Variants in MTUS2 observed in about 807,000 individuals in gnomAD.
MTUS2 encodes microtubule-associated tumor suppressor candidate 2.
Under a neutral mutation model 114.1 loss-of-function variants are expected in MTUS2, and 40 were observed. The ratio of observed to expected loss-of-function variants is 0.35; its 90% CI spans 0.27 to 0.46. The LOEUF is 0.46. Ranked by LOEUF, MTUS2 falls within the 20% of genes least tolerant of loss-of-function variation. The pLI is 1.00. For synonymous variants in MTUS2, 688 were observed against 672.0 expected, an observed-to-expected ratio of 1.02 and a Z score of -0.37; for missense variants, 1,679 against 1,705.4, an observed-to-expected ratio of 0.98 and a Z score of 0.27.
At chr13:29,447,903 T>C (rs1037627480) in intron 9 of MTUS2, among the ~76,000 whole-genome samples, 1 of 152,198 alleles carries the variant, frequency 6.6e-6, no homozygotes, top group African/African-American at 2.4e-5. Context: ...TTGATTTTTC[T>C]GATGGAACAC....
chr13:29,013,274 C>G (rs1483174599), intron 2 of MTUS2, among the ~76,000 whole-genome samples: 1 of 151,850 alleles, frequency 6.6e-6, no homozygotes, highest in Non-Finnish European at 1.5e-5. Flanking sequence ...GCATGTTAAT[C>G]TTCAGTATGT....
At chr13:29,286,160 A>C (rs914041433) in intron 6 of MTUS2, among the ~76,000 whole-genome samples, 8 of 152,176 alleles carry the variant, frequency 5.3e-5, no homozygotes, top group African/African-American at 9.6e-5. Flanking sequence ...TTCTGACCTC[A>C]GGTGATTTGC....
At chr13:29,263,060 T>C (rs566212412) in intron 5 of MTUS2, among the ~76,000 whole-genome samples, 1 of 152,342 alleles carries the variant, frequency 6.6e-6, no homozygotes, top group Admixed American at 6.5e-5. Flanking sequence ...TAATTTGTTT[T>C]CTTAGAAGAA....
chr13:28,917,223 CT>C (rs1371366843), intron 2 of MTUS2, among the ~76,000 whole-genome samples: 1 of 151,598 alleles, frequency 6.6e-6, no homozygotes. Context: ...CTGTGGTTTT[CT>C]TTTTTTGTTG....
chr13:29,344,874 A>G (rs574460291), intron 7 of MTUS2, among the ~76,000 whole-genome samples: 6 of 152,280 alleles, frequency 3.9e-5, no homozygotes, highest in African/African-American at 1.4e-4. Flanking sequence ...AATTCTCTCA[A>G]CATTTGTTTG....
At chr13:29,134,789 G>T (rs1455794002) in intron 5 of MTUS2, among the ~76,000 whole-genome samples, 2 of 152,126 alleles carry the variant, frequency 1.3e-5, no homozygotes, top group Non-Finnish European at 2.9e-5. Flanking sequence ...TAGAGACGGG[G>T]TTTCACCATT....
intron 4 of MTUS2, among the ~76,000 whole-genome samples, chr13:29,082,343 C>T (rs368087046): frequency 2.8e-4 from 42 of 152,312 alleles, no homozygotes; most frequent in African/African-American, 1.0e-3. Flanking sequence ...AGATAGGTCC[C>T]ATCTTGTATC....
At chr13:29,306,473 T>C (rs1486602341) in intron 6 of MTUS2, among the ~76,000 whole-genome samples, 1 of 152,162 alleles carries the variant, frequency 6.6e-6, no homozygotes, top group East Asian at 1.9e-4. Flanking sequence ...CAAAAATTGC[T>C]AGCATTCCTA....
intron 5 of MTUS2, among the ~76,000 whole-genome samples, chr13:29,145,562 C>T (rs967940511): frequency 3.3e-5 from 5 of 152,026 alleles, no homozygotes; most frequent in Non-Finnish European, 7.4e-5. Context: ...ATTATAAGAC[C>T]AAGGCCATTT....
chr13:28,910,341 CATTCTTTTTTTGTTCTT>C (rs535203190), intron 2 of MTUS2, among the ~76,000 whole-genome samples: 239 of 152,200 alleles, frequency 1.6e-3, no homozygotes, highest in African/African-American at 4.6e-3. Flanking sequence ...TCCATCCTTC[CATTCTTTTTTTGTTCTT>C]ATTCTTTTTT....
Position 29,481,685 on chromosome 13 carries a change from T to C in MTUS2, c.3399+1321T>C, listed in dbSNP as rs971107084. On this transcript the variant is annotated intron_variant, in intron 10 of 15. Coordinates refer to ENST00000612955, the MANE Select transcript of MTUS2 (RefSeq NM_001033602.4). ...AGAGGCTTGTGAATCTTAGGGGACC[T>C]GGGAGAAATTTCAGAGTAATACTAA... 4.9e-4 allele frequency among the ~76,000 whole-genome samples: 73 copies of C among 147,610 alleles called. 2 individuals are homozygous for C. Among genetic ancestry groups the C allele is most frequent in the Non-Finnish European group, 7.5e-5 (5 of 66,854 alleles).
In MTUS2 at chr13:29,359,359, G is replaced by A. The variant is rs374079489; in HGVS notation, c.3003G>A (p.Leu1001=). ...CTGAGCGGCAGCTGGTGCTGCGGCT[G>A]AAGGAGCGGTGTGAGCAGCAGACCA... The part of the protein sequence containing the change: ...REAERQLVLR[L]KERCEQQTRQ... Residue 1001 remains leucine (L), a synonymous_variant, in exon 8 of 16, where the codon CTG becomes CTA. Transcript: ENST00000612955. 8.7e-6 allele frequency: 14 copies of A among 1,612,572 alleles called. No homozygotes were observed. Among genetic ancestry groups the A allele is most frequent in the Admixed American group, 3.3e-5 (2 of 59,860 alleles).
chr13:29,467,895 G>C (rs1880001223), intron 9 of MTUS2, among the ~76,000 whole-genome samples: 1 of 150,620 alleles, frequency 6.6e-6, no homozygotes. Context: ...CAAGTGGATA[G>C]CTTGAGTCAA....
intron 6 of MTUS2, among the ~76,000 whole-genome samples, chr13:29,286,672 G>GTCTGTCTA (rs577593135): frequency 9.0e-6 from 1 of 110,922 alleles, no homozygotes. Flanking sequence ...CTGTCTGTCT[G>GTCTGTCTA]TCTATCTATC....
At chr13:29,124,215 A>T (rs1247841757) in intron 5 of MTUS2, among the ~76,000 whole-genome samples, 1 of 152,206 alleles carries the variant, frequency 6.6e-6, no homozygotes, top group African/African-American at 2.4e-5. Flanking sequence ...AAGATGAAGA[A>T]GACTTGGTTC....
rs534653572 is a variant in MTUS2, at chr13:29,231,610, A to T, written c.2645-50094A>T. Among the ~76,000 whole-genome samples, 4 of 152,352 alleles carry T rather than the reference A, an allele frequency of 2.6e-5. No homozygotes were observed. In the East Asian group the frequency reaches 7.7e-4, roughly 29 times the overall value. On this transcript the variant is annotated intron_variant, in intron 5 of 15. Transcript: ENST00000612955. ...ATACACGATTACAGCTACATTCAAT[A>T]AACACTTTTAAAAACTCATCACCCC...
intron 8 of MTUS2, among the ~76,000 whole-genome samples, chr13:29,432,596 G>A (rs568149526): frequency 8.5e-5 from 13 of 152,154 alleles, no homozygotes; most frequent in Non-Finnish European, 1.3e-4. Context: ...GAATCTGGTG[G>A]CCTCAAAAGC....
intron 2 of MTUS2, among the ~76,000 whole-genome samples, chr13:29,003,059 A>G (rs1292122575): frequency 6.6e-6 from 1 of 152,226 alleles, no homozygotes; most frequent in Non-Finnish European, 1.5e-5. Flanking sequence ...AAAATAGTTC[A>G]AGAAGAGCAA....
At chr13:29,395,871 C>T (rs558678589) in intron 8 of MTUS2, among the ~76,000 whole-genome samples, 1 of 152,266 alleles carries the variant, frequency 6.6e-6, no homozygotes, top group Admixed American at 6.5e-5. Flanking sequence ...AACTGGTACT[C>T]TTCAAAATTT....
Sources: allele counts gnomAD v4.1 joint callset (sites outside exome capture counted in the v4.1 genomes callset), GRCh38; gene constraint gnomAD v4.1.1; transcripts MANE v1.5; gene names NCBI Gene and HGNC (gene_info 2026-07-23, HGNC 2026-07-21).